CDH4: variants seen among roughly 807,000 people sequenced by gnomAD.
The protein encoded by CDH4 is cadherin-4.
In CDH4, 33 loss-of-function variants were observed where a neutral mutation model predicts 86.0. That is an observed-to-expected ratio of 0.38 (90% CI 0.29 to 0.51). CDH4 has a LOEUF of 0.51. CDH4 is among the 20% of genes least tolerant of loss of function. CDH4 has a pLI of 0.86. For synonymous variants in CDH4, 555 were observed against 549.4 expected (o/e 1.01, Z -0.14); for missense variants, 1,114 against 1,307.4 (o/e 0.85, Z 2.28).
chr20:61,577,070 A>T (rs774699523), intron 2 of CDH4, among the ~76,000 whole-genome samples: 1 of 152,238 alleles, frequency 6.6e-6, no homozygotes, highest in Non-Finnish European at 1.5e-5. Context: ...GGATGCATGG[A>T]TGTTTTGCAT....
chr20:61,525,184 A>G (rs1178065844), intron 2 of CDH4, among the ~76,000 whole-genome samples: 2 of 152,170 alleles, frequency 1.3e-5, no homozygotes, highest in Admixed American at 1.3e-4. Context: ...CCTATAATTT[A>G]GCTCAGCTGG....
At chr20:61,418,059 G>A (rs2085156486) in intron 2 of CDH4, among the ~76,000 whole-genome samples, 1 of 151,002 alleles carries the variant, frequency 6.6e-6, no homozygotes, top group Non-Finnish European at 1.5e-5. Context: ...GCTGTTAAAT[G>A]GCAAATGCTG....
intron 2 of CDH4, among the ~76,000 whole-genome samples, chr20:61,677,039 G>A (rs2087451757): frequency 6.6e-6 from 1 of 152,150 alleles, no homozygotes; most frequent in Non-Finnish European, 1.5e-5. Flanking sequence ...GAGGACAGGT[G>A]CAGTAGGTCC....
At chr20:61,546,157 A>C (rs111795241) in intron 2 of CDH4, among the ~76,000 whole-genome samples, 52 of 31,168 alleles carry the variant, frequency 1.7e-3, no homozygotes, top group South Asian at 3.5e-3. Flanking sequence ...CACATTCGTG[A>C]GGGTGTGTGC....
At position 61,639,896 on chromosome 20, in the gene CDH4, G is replaced by A. The variant is rs535212131; in HGVS notation, c.170-103667G>A. Among the ~76,000 whole-genome samples the A allele has an allele frequency of 4.1e-4, 62 of 152,224 alleles. 1 individual carries two copies. Among genetic ancestry groups the A allele is most frequent in the African/African-American group, 1.4e-3 (58 of 41,546 alleles). On this transcript the variant is annotated intron_variant, in intron 2 of 15. Transcript: ENST00000614565. ...TCTCACAATGAAAATGCCCATCTTT[G>A]TCATCTTGGAGCCGCTGTGTCAGAT...
At chr20:61,905,094 T>C (rs1359616008) in intron 8 of CDH4, among the ~76,000 whole-genome samples, 1 of 152,226 alleles carries the variant, frequency 6.6e-6, no homozygotes, top group Non-Finnish European at 1.5e-5. Context: ...GATTACAGTC[T>C]CGGCAACAAA....
intron 6 of CDH4, among the ~76,000 whole-genome samples, chr20:61,856,592 C>G (rs1983022105): frequency 1.3e-5 from 2 of 150,998 alleles, no homozygotes; most frequent in African/African-American, 4.9e-5. Flanking sequence ...CCCCAGCCCC[C>G]TAGAATCCAT....
At position 61,546,393 on chromosome 20, in the gene CDH4, ATGCATG is replaced by A. The variant is rs1341542111; in HGVS notation, c.170-197166_170-197161del. On this transcript the variant is annotated intron_variant, in intron 2 of 15. Transcript: ENST00000614565. ...GTAGGGGTGAGGTATGTGTGCACAC[ATGCATG>A]TGCGTGTGTGTGTGTGCGTTAGATG... Among the ~76,000 whole-genome samples, 7 of 150,452 alleles carry A rather than the reference ATGCATG, an allele frequency of 4.7e-5. No individual in the cohort carries two copies. In the East Asian group the frequency reaches 1.2e-3, roughly 26 times the overall value.
chr20:61,713,132 C>A lies in CDH4; in HGVS notation c.170-30431C>A, dbSNP rs112075756. Among the ~76,000 whole-genome samples, 36 of 152,282 alleles carry A rather than the reference C, an allele frequency of 2.4e-4. 1 individual carries two copies. Among genetic ancestry groups the A allele is most frequent in the African/African-American group, 8.2e-4 (34 of 41,550 alleles). ...GAGCCTTATCCCTCCTCTCTCTGGG[C>A]AGATGTGCAAAATATGCAAAAATAA... On this transcript the variant is annotated intron_variant, in intron 2 of 15. Coordinates refer to ENST00000614565, the MANE Select transcript of CDH4 (RefSeq NM_001794.5).
chr20:61,746,847 TG>T (rs1389600896), intron 3 of CDH4, among the ~76,000 whole-genome samples: 1 of 152,152 alleles, frequency 6.6e-6, no homozygotes, highest in Admixed American at 6.5e-5. Flanking sequence ...CCAGGTGGCA[TG>T]GGGGCAGGAG....
At chr20:61,403,510 T>C (rs1600945101) in intron 2 of CDH4, among the ~76,000 whole-genome samples, 1 of 152,096 alleles carries the variant, frequency 6.6e-6, no homozygotes, top group Admixed American at 6.5e-5. Context: ...AGTGGCCACT[T>C]TGTGGGCCCT....
At chr20:61,642,244 A>C (rs1454126465) in intron 2 of CDH4, among the ~76,000 whole-genome samples, 1 of 152,230 alleles carries the variant, frequency 6.6e-6, no homozygotes, top group Non-Finnish European at 1.5e-5. Context: ...TTCTAGAGGA[A>C]GGGGCCACCA....
At chr20:61,849,811 T>C (rs1982631186) in intron 5 of CDH4, among the ~76,000 whole-genome samples, 1 of 152,136 alleles carries the variant, frequency 6.6e-6, no homozygotes, top group Admixed American at 6.5e-5. Flanking sequence ...CGAAGGCCCA[T>C]GTGGTTGGAT....
intron 8 of CDH4, among the ~76,000 whole-genome samples, chr20:61,903,478 G>T (rs2054751355): frequency 6.9e-6 from 1 of 145,932 alleles, no homozygotes; most frequent in Non-Finnish European, 1.5e-5. Flanking sequence ...ACAGGAAGTG[G>T]AGGTTGCAGT....
At chr20:61,349,998 T>C (rs149377791) in intron 2 of CDH4, among the ~76,000 whole-genome samples, 4,253 of 151,784 alleles carry the variant, frequency 0.028, 144 homozygotes, top group African/African-American at 0.078. Context: ...GGGACAGTCA[T>C]GTCAGGAAGG....
intron 9 of CDH4, among the ~76,000 whole-genome samples, chr20:61,922,675 G>A (rs1043597134): frequency 3.3e-5 from 5 of 152,354 alleles, no homozygotes; most frequent in Non-Finnish European, 7.3e-5. Context: ...TTCTTGGCCT[G>A]TAGCTGCCTC....
At chr20:61,365,844 C>T (rs371489209) in intron 2 of CDH4, among the ~76,000 whole-genome samples, 1 of 152,142 alleles carries the variant, frequency 6.6e-6, no homozygotes, top group African/African-American at 2.4e-5. Flanking sequence ...GATAGTGTCC[C>T]CACCTTGCTC....
chr20:61,553,051 C>T (rs911354932), intron 2 of CDH4, among the ~76,000 whole-genome samples: 2 of 152,172 alleles, frequency 1.3e-5, no homozygotes, highest in African/African-American at 2.4e-5. Context: ...ATGTCCATCA[C>T]CTGAAAAGTA....
chr20:61,483,645 C>T (rs113049965), intron 2 of CDH4, among the ~76,000 whole-genome samples: 5,854 of 151,944 alleles, frequency 0.039, 162 homozygotes, highest in South Asian at 0.069. Context: ...TGAGAAGGAA[C>T]CTGGTGGAGA....
Sources: allele counts gnomAD v4.1 joint callset (sites outside exome capture counted in the v4.1 genomes callset), GRCh38; gene constraint gnomAD v4.1.1; transcripts MANE v1.5; gene names NCBI Gene and HGNC (gene_info 2026-07-23, HGNC 2026-07-21).